The following TRPM3 variants were observed in gnomAD, a reference collection of about 807,000 sequenced individuals.
TRPM3 encodes the protein transient receptor potential cation channel subfamily M member 3, also known as long transient receptor potential channel 3.
In TRPM3, 77 loss-of-function variants were observed where a neutral mutation model predicts 181.2. That is an observed-to-expected ratio of 0.42 (90% CI 0.35 to 0.51). The LOEUF (loss-of-function observed/expected upper bound fraction) is 0.51, where lower values mean the gene tolerates loss of function less well. TRPM3 is among the 20% of genes least tolerant of loss of function. TRPM3 has a pLI of 0.01. For missense variants in TRPM3, 1,759 were observed against 2,196.7 expected (o/e 0.80, Z 3.98); for synonymous variants, 745 against 796.4 (o/e 0.94, Z 1.09).
intron 1 of TRPM3, among the ~76,000 whole-genome samples, chr9:71,393,277 G>A (rs1284916222): frequency 1.3e-5 from 2 of 152,108 alleles, no homozygotes; most frequent in African/African-American, 4.8e-5. Context: ...CCTCTTTCAA[G>A]GAATTTCTAC....
chr9:70,833,950 G>A lies in TRPM3; in HGVS notation c.802-5932C>T, dbSNP rs370837986. Among the ~76,000 whole-genome samples, 128 of 152,136 alleles carry A rather than the reference G, an allele frequency of 8.4e-4. 2 individuals are homozygous for A. In the South Asian group the frequency reaches 0.023, roughly 28 times the overall value. ...CTGAGAAGTGGGAAGGAACCTCTGC[G>A]TCTGAGATAAAGGAACATGGGGGCT... is the stretch of plus-strand genomic sequence containing the variant. On this transcript the variant is annotated intron_variant, in intron 5 of 25. Transcript: ENST00000677713.
In TRPM3 at chr9:70,784,272, A is replaced by G; in HGVS notation, c.981T>C (p.Gly327=). The change falls in exon 7 of 26, where the codon GGT becomes GGC. Residue 327 remains glycine, a synonymous_variant. Transcript: ENST00000677713. ...ISLQKINTRI[G]QGVPVVALIV... ...TGAGTGCCACCACAGGAACACCTTG[A>G]CCGATTCCTGCATTAAAAAAGGAAA... is the stretch of plus-strand genomic sequence containing the variant. The G allele has an allele frequency of 6.3e-7, 1 of 1,590,220 alleles. No individual in the cohort carries two copies.
chr9:70,566,318 G>A (rs1210557198), intron 22 of TRPM3, among the ~76,000 whole-genome samples: 1 of 152,048 alleles, frequency 6.6e-6, no homozygotes, highest in Non-Finnish European at 1.5e-5. Context: ...GGCTCTCTGG[G>A]GAAAGGATGC....
Position 70,531,114 on chromosome 9 carries a change from G to A in TRPM3, c.*4839C>T, listed in dbSNP as rs191613522. The stretch of plus-strand genomic sequence containing the variant: ...AAATGGACTTTTCGCTCTCATCTCC[G>A]GCTTAGCAATTTGCACCCAGTAGCT... On this transcript the variant is annotated 3_prime_UTR_variant, in exon 26 of 26. Coordinates refer to ENST00000677713, the MANE Select transcript of TRPM3 (RefSeq NM_001366145.2). 6.6e-6 allele frequency: 1 copy of A among 152,252 alleles called. No individual in the cohort carries two copies. The highest frequency in any genetic ancestry group is 1.9e-4 in the East Asian group (1 of 5,180). The allele number at this position is 152,252 out of a possible 1,614,324, so 9.4% of individuals were successfully genotyped here. A position where few individuals can be genotyped will look rare whatever the true frequency, so the allele number is the denominator to read the frequency against.
chr9:70,833,584 G>A (rs767207020), intron 5 of TRPM3, among the ~76,000 whole-genome samples: 1 of 152,062 alleles, frequency 6.6e-6, no homozygotes, highest in African/African-American at 2.4e-5. Context: ...GAGGTATCTT[G>A]GTCAAATTTG....
chr9:70,681,023 TACAGTACC>T (rs2065286034), intron 9 of TRPM3, among the ~76,000 whole-genome samples: 1 of 152,048 alleles, frequency 6.6e-6, no homozygotes, highest in Non-Finnish European at 1.5e-5. Context: ...TTATAACAAG[TACAGTACC>T]ATAATTTTTT....
At chr9:70,658,213 T>C (rs960624842) in intron 9 of TRPM3, among the ~76,000 whole-genome samples, 1 of 152,218 alleles carries the variant, frequency 6.6e-6, no homozygotes, top group African/African-American at 2.4e-5. Flanking sequence ...ATGAAGGTTA[T>C]AACCTGTTCT....
intron 1 of TRPM3, among the ~76,000 whole-genome samples, chr9:71,203,245 C>T (rs1254885174): frequency 6.6e-6 from 1 of 152,164 alleles, no homozygotes; most frequent in Non-Finnish European, 1.5e-5. Context: ...TCACCTTGGA[C>T]ATGTTTATTA....
chr9:70,909,636 T>C (rs2096517059), intron 1 of TRPM3, among the ~76,000 whole-genome samples: 1 of 152,086 alleles, frequency 6.6e-6, no homozygotes, highest in Non-Finnish European at 1.5e-5. Flanking sequence ...TGCACATAAA[T>C]TGGGTACAAT....
Position 71,306,822 on chromosome 9 carries a change from G to A in TRPM3, c.183+139831C>T, listed in dbSNP as rs371578847. 3.5e-3 allele frequency among the ~76,000 whole-genome samples: 532 copies of A among 152,298 alleles called. 7 individuals carry two copies. Among genetic ancestry groups the A allele is most frequent in the African/African-American group, 0.012 (501 of 41,578 alleles). ...CTGGGGGTGGAGATTGCAGTGAGCC[G>A]AGATCGCGCCACTGCACTCCAGCCT... On this transcript the variant is annotated intron_variant, in intron 1 of 24. Coordinates refer to the TRPM3 transcript ENST00000357533.
chr9:71,342,782 T>G (rs1221267262), intron 1 of TRPM3, among the ~76,000 whole-genome samples: 1 of 152,128 alleles, frequency 6.6e-6, no homozygotes, highest in East Asian at 1.9e-4. Flanking sequence ...AGCAGCTTCA[T>G]TCATAGTTGT....
chr9:71,283,333 G>A (rs541798550), intron 1 of TRPM3, among the ~76,000 whole-genome samples: 7 of 152,010 alleles, frequency 4.6e-5, no homozygotes, highest in East Asian at 1.9e-4. Context: ...ACAGAGTTTC[G>A]CTCTGTTGCC....
At chr9:70,835,568 C>G (rs910943066) in intron 5 of TRPM3, among the ~76,000 whole-genome samples, 1 of 152,004 alleles carries the variant, frequency 6.6e-6, no homozygotes, top group African/African-American at 2.4e-5. Flanking sequence ...ACTCTCCTCA[C>G]ACCTTTGACC....
chr9:71,078,545 CAATT>C (rs2063783825), intron 1 of TRPM3, among the ~76,000 whole-genome samples: 1 of 152,120 alleles, frequency 6.6e-6, no homozygotes, highest in Admixed American at 6.5e-5. Flanking sequence ...ATTACTTCTT[CAATT>C]AATTATGTTA....
At chr9:70,671,851 G>A (rs941754030) in intron 9 of TRPM3, among the ~76,000 whole-genome samples, 4 of 151,746 alleles carry the variant, frequency 2.6e-5, no homozygotes, top group Admixed American at 2.0e-4. Flanking sequence ...TGCATCCTCC[G>A]TTACCCACTT....
chr9:70,937,585 G>T (rs1051014686), intron 1 of TRPM3, among the ~76,000 whole-genome samples: 3 of 152,128 alleles, frequency 2.0e-5, no homozygotes, highest in African/African-American at 7.2e-5. Flanking sequence ...GCTGCCATTC[G>T]TGAGTCAAAA....
intron 22 of TRPM3, among the ~76,000 whole-genome samples, chr9:70,571,325 A>G (rs2132167994): frequency 6.6e-6 from 1 of 152,234 alleles, no homozygotes; most frequent in South Asian, 2.1e-4. Context: ...CAGCTACCTT[A>G]AGAGTGTTGT....
At chr9:70,903,453 C>T (rs1394951013) in intron 1 of TRPM3, among the ~76,000 whole-genome samples, 1 of 151,906 alleles carries the variant, frequency 6.6e-6, no homozygotes, top group East Asian at 1.9e-4. Context: ...CCATCCATCT[C>T]CCCAAAAAGA....
At chr9:70,858,955 G>A (rs2095455705) in intron 3 of TRPM3, among the ~76,000 whole-genome samples, 1 of 152,114 alleles carries the variant, frequency 6.6e-6, no homozygotes, top group Non-Finnish European at 1.5e-5. Context: ...TATGTACCTT[G>A]CAGCATTTCA....
Sources: gnomAD v4.1 joint callset for allele counts (sites outside exome capture counted in the v4.1 genomes callset) on GRCh38, gnomAD v4.1.1 for gene constraint, MANE v1.5 for transcripts, NCBI Gene and HGNC (gene_info 2026-07-23, HGNC 2026-07-21) for gene names.